The following LHX8 variants were observed in gnomAD, a reference collection of about 807,000 sequenced individuals.
The protein encoded by LHX8 is LIM/homeobox protein Lhx8.
Under a neutral mutation model 40.3 loss-of-function variants are expected in LHX8, and 12 were observed. The ratio of observed to expected loss-of-function variants is 0.30; its 90% CI spans 0.19 to 0.48. The LOEUF is 0.48. Ranked by LOEUF, LHX8 falls within the 20% of genes least tolerant of loss-of-function variation. The probability of loss-of-function intolerance (pLI) is 0.99; values close to 1 mark genes in which losing one functional copy is unlikely to be tolerated. For synonymous variants in LHX8, 179 were observed against 162.0 expected (o/e 1.10, Z -0.80); for missense variants, 344 against 433.7 (o/e 0.79, Z 1.84).
intron 7 of LHX8, among the ~76,000 whole-genome samples, chr1:75,152,774 C>T (rs1648643718): frequency 6.6e-6 from 1 of 152,158 alleles, no homozygotes; most frequent in Admixed American, 6.5e-5. Context: ...TCCTTTTCCC[C>T]AACTCAGAAG....
upstream of LHX8, chr1:75,130,690 A>G: frequency 6.2e-7 from 1 of 1,612,898 alleles, no homozygotes; most frequent in Non-Finnish European, 8.5e-7. Context: ...GAGCCCGTAT[A>G]CAGCTCTGCC....
intron 1 of LHX8, 103 bp from the exon 2 acceptor site, chr1:75,136,500 G>A: frequency 2.3e-6 from 2 of 882,568 alleles, no homozygotes; most frequent in Non-Finnish European, 3.6e-6. Flanking sequence ...CCCGCACTCT[G>A]AGGGCCTTCA....
chr1:75,147,129 C>T (rs552928746), intron 6 of LHX8, among the ~76,000 whole-genome samples: 1 of 152,250 alleles, frequency 6.6e-6, no homozygotes, highest in East Asian at 1.9e-4. Flanking sequence ...CAAGAATAAA[C>T]TTTTAAGCCA....
the LHX8 span, among the ~76,000 whole-genome samples, chr1:75,173,042 G>A: frequency 6.6e-6 from 1 of 152,132 alleles, no homozygotes; most frequent in Non-Finnish European, 1.5e-5. Context: ...TGAAGAAAGG[G>A]CTCTGTCATT....
downstream of LHX8, among the ~76,000 whole-genome samples, chr1:75,161,801 G>T (rs1648926804): frequency 6.6e-6 from 1 of 152,012 alleles, no homozygotes; most frequent in Non-Finnish European, 1.5e-5. Flanking sequence ...AGCCAGAAAT[G>T]AAATATGGGC....
At chr1:75,186,397 AC>A in the LHX8 span, among the ~76,000 whole-genome samples, 1 of 152,126 alleles carries the variant, frequency 6.6e-6, no homozygotes, top group African/African-American at 2.4e-5. Context: ...CACACCTACA[AC>A]CATCTGATCT....
At chr1:75,157,946 A>G (rs1648814679) in intron 8 of LHX8, among the ~76,000 whole-genome samples, 1 of 152,200 alleles carries the variant, frequency 6.6e-6, no homozygotes, top group Non-Finnish European at 1.5e-5. Context: ...ACATAAGGTC[A>G]TGGGCTACAC....
chr1:75,143,930 T>C lies in LHX8; in HGVS notation c.666T>C (p.Phe222=). 6.2e-7 allele frequency: 1 copy of C among 1,613,294 alleles called. No homozygotes were observed. The highest frequency in any genetic ancestry group is 8.5e-7 in the Non-Finnish European group (1 of 1,179,378). ...CAGCAAAAAGAGCTCGGACCAGCTTTACAGCAGATCAGCTTCAGGTAAGCA... is the reference window on the plus strand; with the variant it reads ...CAGCAAAAAGAGCTCGGACCAGCTTCACAGCAGATCAGCTTCAGGTAAGCA... ...PKPAKRARTS[F]TADQLQVMQA... is the part of the protein sequence containing the mutation. The change falls in exon 6 of 9, where the codon TTT becomes TTC. Residue 222 remains phenylalanine (F), a synonymous_variant. Transcript: ENST00000356261.
upstream of LHX8, chr1:75,132,974 C>T (rs1188063766): frequency 3.9e-5 from 6 of 152,154 alleles, no homozygotes; most frequent in South Asian, 2.1e-4. Flanking sequence ...CCCCCAATAC[C>T]GATTTCTGCA....
chr1:75,162,958 G>A (rs1648954322), downstream of LHX8, among the ~76,000 whole-genome samples: 1 of 151,616 alleles, frequency 6.6e-6, no homozygotes, highest in Admixed American at 6.6e-5. Context: ...AAAGATGTGG[G>A]TAACAAGTAG....
At chr1:75,155,230 CTTTTTTTTTT>C (rs57009636) in intron 7 of LHX8, among the ~76,000 whole-genome samples, 4 of 94,364 alleles carry the variant, frequency 4.2e-5, no homozygotes, top group African/African-American at 1.7e-4. Context: ...GAAACACTCT[CTTTTTTTTTT>C]TTTTTTTTTT....
chr1:75,146,898 G>A (rs1648473783), intron 6 of LHX8, among the ~76,000 whole-genome samples: 1 of 152,020 alleles, frequency 6.6e-6, no homozygotes. Context: ...TTTATGAAAG[G>A]CATGAAGTTT....
At chr1:75,139,921 C>T (rs1261199669) in intron 3 of LHX8, among the ~76,000 whole-genome samples, 1 of 152,156 alleles carries the variant, frequency 6.6e-6, no homozygotes, top group Non-Finnish European at 1.5e-5. Context: ...CAGTCATTTA[C>T]TTTCCTATTT....
At chr1:75,180,172 G>A in the LHX8 span, among the ~76,000 whole-genome samples, 6 of 151,960 alleles carry the variant, frequency 3.9e-5, no homozygotes, top group Non-Finnish European at 5.9e-5. Context: ...TGTGTCTTGG[G>A]GTTGCTCTTC....
intron 6 of LHX8, among the ~76,000 whole-genome samples, chr1:75,148,271 A>G (rs959090599): frequency 2.0e-5 from 3 of 152,236 alleles, no homozygotes; most frequent in African/African-American, 7.2e-5. Flanking sequence ...GGAAAAAACA[A>G]TAAATGAAAC....
At chr1:75,181,440 G>T in the LHX8 span, among the ~76,000 whole-genome samples, 1 of 152,164 alleles carries the variant, frequency 6.6e-6, no homozygotes, top group Non-Finnish European at 1.5e-5. Flanking sequence ...CCCCCAGCCA[G>T]TGTTGCCAGT....
chr1:75,191,937 A>G, the LHX8 span, among the ~76,000 whole-genome samples: 1 of 152,190 alleles, frequency 6.6e-6, no homozygotes, highest in Non-Finnish European at 1.5e-5. Context: ...AGAAAGTTTT[A>G]TAGTTTTACA....
chr1:75,135,492 G>C (rs1648095190), intron 1 of LHX8, among the ~76,000 whole-genome samples: 1 of 152,232 alleles, frequency 6.6e-6, no homozygotes, highest in Non-Finnish European at 1.5e-5. Context: ...GAAAGGGAGG[G>C]TCTCGGCCGA....
At chr1:75,177,392 C>T in the LHX8 span, among the ~76,000 whole-genome samples, 1 of 152,138 alleles carries the variant, frequency 6.6e-6, no homozygotes, top group Admixed American at 6.5e-5. Flanking sequence ...TCCTTCACAT[C>T]CCTTGTAAGT....
Sources: allele counts gnomAD v4.1 joint callset (sites outside exome capture counted in the v4.1 genomes callset), GRCh38; gene constraint gnomAD v4.1.1; transcripts MANE v1.5; gene names NCBI Gene and HGNC (gene_info 2026-07-23, HGNC 2026-07-21).